The following ENTREP2 variants were observed in gnomAD, a reference collection of about 807,000 sequenced individuals.
The protein encoded by ENTREP2 is endosomal transmembrane epsin interactor 2.
chr15:29,524,463 G>C, the ENTREP2 span, among the ~76,000 whole-genome samples: 1 of 152,180 alleles, frequency 6.6e-6, no homozygotes, highest in Non-Finnish European at 1.5e-5. Flanking sequence ...AGATGTGGCA[G>C]ACCACTCCCA....
the ENTREP2 span, among the ~76,000 whole-genome samples, chr15:29,378,063 C>T: frequency 1.3e-5 from 2 of 151,740 alleles, no homozygotes; most frequent in Non-Finnish European, 2.9e-5. Context: ...AGATAATGTC[C>T]ACACAGACTA....
the ENTREP2 span, among the ~76,000 whole-genome samples, chr15:29,284,778 G>A: frequency 1.3e-5 from 2 of 152,214 alleles, no homozygotes; most frequent in East Asian, 3.9e-4. Context: ...TCCAGGATAC[G>A]CTACCAAAGA....
chr15:29,646,581 G>A, the ENTREP2 span, among the ~76,000 whole-genome samples: 1 of 152,132 alleles, frequency 6.6e-6, no homozygotes, highest in Non-Finnish European at 1.5e-5. Context: ...GCTGGGGAAA[G>A]TCCTCTACAT....
chr15:29,483,738 G>A, the ENTREP2 span, among the ~76,000 whole-genome samples: 367 of 152,266 alleles, frequency 2.4e-3, 1 homozygote, highest in African/African-American at 8.3e-3. Context: ...GATCTCCTTC[G>A]CTATTGTGTC....
the ENTREP2 span, among the ~76,000 whole-genome samples, chr15:29,149,585 G>A: frequency 7.9e-3 from 1,210 of 152,310 alleles, 14 homozygotes; most frequent in African/African-American, 0.028. Context: ...ACAGATGAGC[G>A]GACTCATCCC....
At chr15:29,594,050 G>T in the ENTREP2 span, among the ~76,000 whole-genome samples, 1 of 152,068 alleles carries the variant, frequency 6.6e-6, no homozygotes, top group Admixed American at 6.5e-5. Flanking sequence ...GGACCTTCCT[G>T]CACATTTTTT....
At chr15:29,383,421 C>G in the ENTREP2 span, among the ~76,000 whole-genome samples, 9 of 152,318 alleles carry the variant, frequency 5.9e-5, no homozygotes, top group Non-Finnish European at 1.2e-4. Flanking sequence ...CAGGGAGGAA[C>G]AGGAGGCTAA....
At chr15:29,247,932 A>G in the ENTREP2 span, among the ~76,000 whole-genome samples, 1 of 152,228 alleles carries the variant, frequency 6.6e-6, no homozygotes, top group African/African-American at 2.4e-5. Context: ...TTCCCACTGT[A>G]GGCCCCAGTC....
the ENTREP2 span, among the ~76,000 whole-genome samples, chr15:29,604,731 G>A: frequency 6.6e-6 from 1 of 151,942 alleles, no homozygotes; most frequent in Non-Finnish European, 1.5e-5. Context: ...ATTTCCCTAG[G>A]AAAAAAAGAA....
chr15:29,540,625 T>C, the ENTREP2 span, among the ~76,000 whole-genome samples: 3 of 152,348 alleles, frequency 2.0e-5, no homozygotes, highest in East Asian at 5.8e-4. Context: ...TGCTATACCA[T>C]GTCAGGAGAC....
At chr15:29,493,834 C>G in the ENTREP2 span, among the ~76,000 whole-genome samples, 6 of 151,926 alleles carry the variant, frequency 3.9e-5, no homozygotes, top group South Asian at 1.0e-3. Context: ...AAAAATTAGC[C>G]AGGGTGGTGG....
chr15:29,270,686 C>T, the ENTREP2 span, among the ~76,000 whole-genome samples: 1 of 152,184 alleles, frequency 6.6e-6, no homozygotes, highest in African/African-American at 2.4e-5. Flanking sequence ...ATTTATCTCT[C>T]ATCTATGATG....
At chr15:29,470,220 G>A in the ENTREP2 span, among the ~76,000 whole-genome samples, 6 of 152,274 alleles carry the variant, frequency 3.9e-5, no homozygotes, top group South Asian at 1.2e-3. Flanking sequence ...TTGGCAGAGG[G>A]GCTGCTCGGT....
At chr15:29,479,039 C>CAAAA in the ENTREP2 span, among the ~76,000 whole-genome samples, 1 of 102,154 alleles carries the variant, frequency 9.8e-6, no homozygotes, top group African/African-American at 3.8e-5. Context: ...CTAAAAAATA[C>CAAAA]AAAAAAAAAA....
chr15:29,177,865 G>A, the ENTREP2 span, among the ~76,000 whole-genome samples: 1 of 151,806 alleles, frequency 6.6e-6, no homozygotes, highest in Non-Finnish European at 1.5e-5. Flanking sequence ...GCACTGTGAA[G>A]GGAGCTTAGT....
At chr15:29,182,500 G>C in the ENTREP2 span, among the ~76,000 whole-genome samples, 14 of 151,810 alleles carry the variant, frequency 9.2e-5, 1 homozygote, top group African/African-American at 3.4e-4. Context: ...TATATTTAAC[G>C]TAAGTTGATC....
At chr15:29,614,522 CTCTT>C in the ENTREP2 span, among the ~76,000 whole-genome samples, 1 of 152,222 alleles carries the variant, frequency 6.6e-6, no homozygotes, top group Non-Finnish European at 1.5e-5. Context: ...TGTCTCCTCT[CTCTT>C]TCCACTCCAG....
the ENTREP2 span, among the ~76,000 whole-genome samples, chr15:29,497,824 G>A: frequency 6.6e-6 from 1 of 151,680 alleles, no homozygotes; most frequent in Non-Finnish European, 1.5e-5. Context: ...GCTAACTTTA[G>A]TTTGTTCTTC....
At chr15:29,286,499 A>T in the ENTREP2 span, among the ~76,000 whole-genome samples, 8 of 152,170 alleles carry the variant, frequency 5.3e-5, no homozygotes, top group Admixed American at 5.2e-4. Context: ...CCATCAAGGG[A>T]CAGGGACTAT....
Sources: allele counts gnomAD v4.1 joint callset (sites outside exome capture counted in the v4.1 genomes callset), GRCh38; gene constraint gnomAD v4.1.1; transcripts MANE v1.5; gene names NCBI Gene and HGNC (gene_info 2026-07-23, HGNC 2026-07-21).